The following CNTN5 variants were observed in gnomAD, a reference collection of about 807,000 sequenced individuals.
CNTN5 encodes the protein contactin 5.
CNTN5 carries 77 observed loss-of-function variants against 129.1 expected under a neutral mutation model. The observed-to-expected ratio is 0.60, with a 90% confidence interval of 0.50 to 0.72. The LOEUF is 0.72. Ranked by LOEUF, CNTN5 falls within the 30% of genes least tolerant of loss-of-function variation. The pLI is 0.00. For synonymous variants in CNTN5, 509 were observed against 465.6 expected, an observed-to-expected ratio of 1.09 and a Z score of -1.20; for missense variants, 1,478 against 1,328.8, an observed-to-expected ratio of 1.11 and a Z score of -1.75.
intron 3 of CNTN5, among the ~76,000 whole-genome samples, chr11:99,750,964 C>A (rs1053735814): frequency 1.3e-5 from 2 of 152,144 alleles, no homozygotes; most frequent in Non-Finnish European, 2.9e-5. Flanking sequence ...GCAAAAGTCA[C>A]GTGGTCTTTC....
At chr11:99,542,093 T>C (rs1948137697) in intron 2 of CNTN5, among the ~76,000 whole-genome samples, 1 of 152,168 alleles carries the variant, frequency 6.6e-6, no homozygotes, top group Non-Finnish European at 1.5e-5. Flanking sequence ...GGATATAATG[T>C]ATTGTTTCAA....
intron 1 of CNTN5, among the ~76,000 whole-genome samples, chr11:99,078,242 T>C (rs1865654402): frequency 6.6e-6 from 1 of 152,206 alleles, no homozygotes; most frequent in Non-Finnish European, 1.5e-5. Context: ...TAGTTTTCAC[T>C]GATATTAAGC....
At chr11:99,097,245 G>A (rs1866512068) in intron 1 of CNTN5, among the ~76,000 whole-genome samples, 1 of 151,772 alleles carries the variant, frequency 6.6e-6, no homozygotes, top group Non-Finnish European at 1.5e-5. Flanking sequence ...TGTTAGGGAG[G>A]CATACAAATA....
At chr11:99,524,657 C>CA (rs542877199) in intron 2 of CNTN5, among the ~76,000 whole-genome samples, 85 of 151,886 alleles carry the variant, frequency 5.6e-4, no homozygotes, top group African/African-American at 1.8e-3. Context: ...ACTAAAAATA[C>CA]AAAAAATTGA....
At chr11:100,342,152 GACACACACAC>G (rs3220443) in intron 23 of CNTN5, among the ~76,000 whole-genome samples, 5 of 146,898 alleles carry the variant, frequency 3.4e-5, no homozygotes, top group Non-Finnish European at 4.5e-5. Context: ...ATAGATCACA[GACACACACAC>G]ACACACACAC....
At chr11:99,776,100 T>C (rs10790959) in intron 3 of CNTN5, among the ~76,000 whole-genome samples, 42,387 of 151,838 alleles carry the variant, frequency 0.28, 6,346 homozygotes, top group East Asian at 0.45. Flanking sequence ...TGGTCATTTA[T>C]TGAATACATG....
chr11:100,104,094 C>CA (rs1555009176), intron 13 of CNTN5, among the ~76,000 whole-genome samples: 10 of 132,128 alleles, frequency 7.6e-5, no homozygotes, highest in African/African-American at 2.8e-4. Context: ...GAAAACGTCA[C>CA]TTTTTTTTTT....
chr11:99,977,322 G>T, intron 8 of CNTN5, among the ~76,000 whole-genome samples: 1 of 152,098 alleles, frequency 6.6e-6, no homozygotes, highest in Non-Finnish European at 1.5e-5. Context: ...CTTCTTTTGA[G>T]CCCTCCAAAC....
At chr11:100,174,303 A>C (rs1947901205) in intron 13 of CNTN5, among the ~76,000 whole-genome samples, 1 of 152,142 alleles carries the variant, frequency 6.6e-6, no homozygotes, top group Non-Finnish European at 1.5e-5. Context: ...TTGAGTTAGT[A>C]GCCTGAATTA....
intron 1 of CNTN5, among the ~76,000 whole-genome samples, chr11:99,220,471 C>A (rs1354366584): frequency 6.6e-6 from 1 of 151,852 alleles, no homozygotes; most frequent in Non-Finnish European, 1.5e-5. Flanking sequence ...TAGCCATGGT[C>A]TCTTAAATGC....
chr11:99,425,684 G>C (rs1375233586), intron 2 of CNTN5, among the ~76,000 whole-genome samples: 1 of 152,254 alleles, frequency 6.6e-6, no homozygotes, highest in Non-Finnish European at 1.5e-5. Flanking sequence ...GCTTTCAAGG[G>C]CAGGGGTTGC....
At chr11:99,385,451 G>A (rs1247743865) in intron 2 of CNTN5, among the ~76,000 whole-genome samples, 1 of 152,042 alleles carries the variant, frequency 6.6e-6, no homozygotes, top group Non-Finnish European at 1.5e-5. Context: ...AATTATAGGT[G>A]TTATATTTTA....
At chr11:99,313,582 CA>C (rs2135976596) in intron 1 of CNTN5, among the ~76,000 whole-genome samples, 1 of 151,956 alleles carries the variant, frequency 6.6e-6, no homozygotes, top group South Asian at 2.1e-4. Context: ...TTTAATTTAC[CA>C]CAGGAAAGAT....
At chr11:99,947,754 C>T (rs1453574) in intron 7 of CNTN5, among the ~76,000 whole-genome samples, 58,289 of 151,838 alleles carry the variant, frequency 0.38, 11,402 homozygotes, top group East Asian at 0.47. Flanking sequence ...ATAAGGGGGA[C>T]AATTTATAAA....
chr11:99,131,546 G>A (rs886906556), intron 1 of CNTN5, among the ~76,000 whole-genome samples: 2 of 151,820 alleles, frequency 1.3e-5, no homozygotes, highest in African/African-American at 4.8e-5. Context: ...TCAAATATAC[G>A]ATGAGAAACG....
intron 3 of CNTN5, among the ~76,000 whole-genome samples, chr11:99,589,244 A>G (rs186349812): frequency 7.9e-5 from 12 of 152,366 alleles, no homozygotes; most frequent in African/African-American, 2.9e-4. Flanking sequence ...AATAAGCCAG[A>G]CAAATGTAGT....
At chr11:99,331,101 G>T (rs1267142223) in intron 2 of CNTN5, among the ~76,000 whole-genome samples, 3 of 151,906 alleles carry the variant, frequency 2.0e-5, no homozygotes. Flanking sequence ...CCCTCAATTG[G>T]TTTTATTTTG....
At chr11:99,584,114 CT>C (rs1565321549) in intron 3 of CNTN5, among the ~76,000 whole-genome samples, 1 of 152,112 alleles carries the variant, frequency 6.6e-6, no homozygotes, top group Non-Finnish European at 1.5e-5. Flanking sequence ...ACCAAATGTT[CT>C]TTATGCTGGG....
chr11:100,128,961 CG>C (rs1313503088), intron 13 of CNTN5, among the ~76,000 whole-genome samples: 5 of 152,060 alleles, frequency 3.3e-5, no homozygotes, highest in African/African-American at 1.2e-4. Flanking sequence ...TTATATCACT[CG>C]CTACTATTTC....
Sources: gnomAD v4.1 joint callset for allele counts (sites outside exome capture counted in the v4.1 genomes callset) on GRCh38, gnomAD v4.1.1 for gene constraint, MANE v1.5 for transcripts, NCBI Gene and HGNC (gene_info 2026-07-23, HGNC 2026-07-21) for gene names.